Variants in ACSBG2 observed in about 807,000 individuals in gnomAD.
The protein encoded by ACSBG2 is acyl-CoA synthetase bubblegum family member 2, also known as long-chain-fatty-acid--CoA ligase ACSBG2.
A neutral mutation model predicts 74.7 loss-of-function variants in ACSBG2; 62 were observed. The ratio of observed to expected loss-of-function variants is 0.83; its 90% confidence interval spans 0.68 to 1.03. ACSBG2 has a LOEUF of 1.03. Among genes scored for constraint, ACSBG2 ranks in the 50% least tolerant of loss-of-function variants. ACSBG2 has a pLI of 0.00. For missense variants in ACSBG2, 730 were observed against 817.6 expected, an observed-to-expected ratio of 0.89 and a Z score of 1.31; for synonymous variants, 309 against 294.1, an observed-to-expected ratio of 1.05 and a Z score of -0.52.
chr19:6,146,159 A>G (rs2089023357), intron 2 of ACSBG2, among the ~76,000 whole-genome samples: 1 of 152,218 alleles, frequency 6.6e-6, no homozygotes, highest in Admixed American at 6.5e-5. Context: ...GCTTTGGCTC[A>G]CTTGGAAATG....
chr19:6,174,319 C>A lies in ACSBG2; in HGVS notation c.739-2910C>A, dbSNP rs181622772. The stretch of plus-strand genomic sequence containing the variant: ...AGATTTGTCAGTCCCAGAATTTCCA[C>A]AGCATCCCTTCTGCTCCTTTCTGTC... On this transcript the variant is annotated intron_variant, in intron 7 of 14. Coordinates refer to ENST00000588485, the MANE Select transcript of ACSBG2 (RefSeq NM_030924.5). This position sits in a 1 kb window ranked among gnomAD's most constrained non-coding sequence, Gnocchi z 4.2. 1.7e-4 allele frequency among the ~76,000 whole-genome samples: 26 copies of A among 152,332 alleles called. No individual in the cohort carries two copies. Among genetic ancestry groups the A allele is most frequent in the Non-Finnish European group, 4.4e-5 (3 of 68,026 alleles).
At chr19:6,149,235 C>A (rs1192447502) in intron 3 of ACSBG2, among the ~76,000 whole-genome samples, 8 of 152,214 alleles carry the variant, frequency 5.3e-5, no homozygotes, top group African/African-American at 1.9e-4. Context: ...ACTCTGTCCA[C>A]AATAAAGCCA....
rs1329120841 is a variant in ACSBG2, at chr19:6,163,374, C to T, written c.588+2079C>T. Among the ~76,000 whole-genome samples the T allele has an allele frequency of 2.2e-5, 2 of 88,988 alleles. 1 individual carries two copies. Among genetic ancestry groups the T allele is most frequent in the African/African-American group, 6.3e-5 (2 of 31,606 alleles). The allele number at this position is 88,988 out of a possible 152,430, so 58.4% of individuals were successfully genotyped here. A position where few individuals can be genotyped will look rare whatever the true frequency, so the allele number is the denominator to read the frequency against. ...CTGAGGCAGGGGAATCACTTGAACC[C>T]GGGAAGCGGAGGTTGCAGTGAGCCG... is the stretch of plus-strand genomic sequence containing the variant. On this transcript the variant is annotated intron_variant, in intron 6 of 14. Coordinates refer to ENST00000588485, the MANE Select transcript of ACSBG2 (RefSeq NM_030924.5).
At chr19:6,153,552 G>A (rs2089306163) in intron 4 of ACSBG2, among the ~76,000 whole-genome samples, 1 of 152,016 alleles carries the variant, frequency 6.6e-6, no homozygotes, top group African/African-American at 2.4e-5. Flanking sequence ...ACAAAATTGA[G>A]CGGCTGGGCA....
intron 5 of ACSBG2, among the ~76,000 whole-genome samples, chr19:6,157,405 A>C (rs2089461861): frequency 6.6e-6 from 1 of 152,120 alleles, no homozygotes; most frequent in African/African-American, 2.4e-5. Context: ...AAAAATACAA[A>C]ATTTAGCCGG....
chr19:6,139,472 C>T (rs1329377846), intron 1 of ACSBG2, among the ~76,000 whole-genome samples: 9 of 152,178 alleles, frequency 5.9e-5, no homozygotes, highest in Non-Finnish European at 1.0e-4. Flanking sequence ...GTAAGAATCA[C>T]GTGCATGTTA....
At chr19:6,162,291 C>T (rs1279236927) in intron 6 of ACSBG2, among the ~76,000 whole-genome samples, 10 of 136,976 alleles carry the variant, frequency 7.3e-5, no homozygotes, top group Non-Finnish European at 1.1e-4. Context: ...AAAGGCCGGG[C>T]GCCAGTGGCT....
At chr19:6,178,992 T>C (rs1372776742) in intron 8 of ACSBG2, among the ~76,000 whole-genome samples, 7 of 152,162 alleles carry the variant, frequency 4.6e-5, no homozygotes, top group East Asian at 1.9e-4. Context: ...CAGATAGTCA[T>C]TGGCTGTGGG....
chr19:6,185,294 C>T, intron 10 of ACSBG2, 142 bp from the exon 11 acceptor site: 1 of 786,520 alleles, frequency 1.3e-6, no homozygotes, highest in Non-Finnish European at 2.1e-6. Flanking sequence ...CTGCAGCAAA[C>T]ACCTCCTTCT....
chr19:6,143,817 T>C (rs889400841), intron 2 of ACSBG2, among the ~76,000 whole-genome samples: 2 of 152,202 alleles, frequency 1.3e-5, no homozygotes, highest in African/African-American at 4.8e-5. Flanking sequence ...GAAGGGGGCC[T>C]GTATGAACTA....
intron 7 of ACSBG2, among the ~76,000 whole-genome samples, chr19:6,167,917 G>T (rs915341174): frequency 2.6e-5 from 4 of 152,020 alleles, no homozygotes; most frequent in Admixed American, 2.0e-4. Flanking sequence ...CGCTCCCCTG[G>T]ACCTGTGTGG....
At position 6,181,847 on chromosome 19, in the gene ACSBG2, G is replaced by A. The variant is rs939203652; in HGVS notation, c.907-904G>A. 3.5e-5 allele frequency among the ~76,000 whole-genome samples: 4 copies of A among 114,482 alleles called. No individual in the cohort carries two copies. The Admixed American group carries it at 4.2e-4, about 12-fold the overall frequency. 75.1% of individuals were successfully genotyped at this position (114,482 alleles called of 152,430 possible). A position where few individuals can be genotyped will look rare whatever the true frequency, so the allele number is the denominator to read the frequency against. On this transcript the variant is annotated intron_variant, in intron 8 of 14. Transcript: ENST00000588485. ...CCCAACGAAATTTCCTTGGCATTTTGTTGAAAATCAACTGAGCATAAATTT... is the reference window on the plus strand; with the variant it reads ...CCCAACGAAATTTCCTTGGCATTTTATTGAAAATCAACTGAGCATAAATTT...
intron 2 of ACSBG2, among the ~76,000 whole-genome samples, chr19:6,146,109 G>T (rs1321421911): frequency 1.3e-5 from 2 of 152,192 alleles, no homozygotes; most frequent in Non-Finnish European, 2.9e-5. Context: ...TCTTGTTAAT[G>T]ATTTACATGC....
chr19:6,156,955 T>C (rs2089446207), intron 5 of ACSBG2, among the ~76,000 whole-genome samples: 1 of 151,862 alleles, frequency 6.6e-6, no homozygotes, highest in South Asian at 2.1e-4. Flanking sequence ...GGCTAACTTT[T>C]TTTTTTTCCG....
chr19:6,156,786 ATTT>A (rs113271517), intron 5 of ACSBG2, among the ~76,000 whole-genome samples: 6 of 128,558 alleles, frequency 4.7e-5, no homozygotes, highest in African/African-American at 1.2e-4. Flanking sequence ...CTCAGCCTCC[ATTT>A]TTTTTTTTTT....
rs889723156 is a variant in ACSBG2 at position 6,192,984 on chromosome 19, G to A, written c.*352G>A. 7 of 152,110 alleles carry A rather than the reference G, an allele frequency of 4.6e-5. No individual in the cohort carries two copies. The highest frequency in any genetic ancestry group is 8.8e-5 in the Non-Finnish European group (6 of 68,010). The allele number at this position is 152,110 out of a possible 1,614,324, so 9.4% of individuals were successfully genotyped here. ...CCTCAGGGGACTCAGACATTAGAAAGAAAAAGCCTCACAGATTTGAAGAAC... is the reference window on the plus strand; with the variant it reads ...CCTCAGGGGACTCAGACATTAGAAAAAAAAAGCCTCACAGATTTGAAGAAC... On this transcript the variant is annotated 3_prime_UTR_variant, in exon 15 of 15. Transcript: ENST00000588485.
intron 5 of ACSBG2, chr19:6,160,561 A>G (rs935149779): frequency 6.6e-6 from 1 of 152,216 alleles, no homozygotes; most frequent in Non-Finnish European, 1.5e-5. Flanking sequence ...CTGGGCTGCA[A>G]GGTGCAAAGT....
At chr19:6,186,244 C>T (rs939729456) in intron 11 of ACSBG2, among the ~76,000 whole-genome samples, 1 of 152,072 alleles carries the variant, frequency 6.6e-6, no homozygotes, top group Non-Finnish European at 1.5e-5. Flanking sequence ...TTTGGGTTCA[C>T]AAAACATGTG....
At chr19:6,166,462 C>T (rs866161922) in intron 7 of ACSBG2, among the ~76,000 whole-genome samples, 4 of 151,676 alleles carry the variant, frequency 2.6e-5, no homozygotes, top group South Asian at 2.1e-4. Context: ...TACAGGCACC[C>T]GCCACCATGC....
Sources: gnomAD v4.1 joint callset for allele counts (sites outside exome capture counted in the v4.1 genomes callset) on GRCh38, gnomAD v4.1.1 for gene constraint, Gnocchi (gnomAD v3.1) non-coding constraint, MANE v1.5 for transcripts, NCBI Gene and HGNC (gene_info 2026-07-23, HGNC 2026-07-21) for gene names.